Variants in CSNK1G1 observed in about 807,000 individuals in gnomAD.
CSNK1G1 encodes the protein casein kinase 1 gamma 1.
A neutral mutation model predicts 59.6 loss-of-function variants in CSNK1G1; 22 were observed. The ratio of observed to expected loss-of-function variants is 0.37; its 90% CI spans 0.26 to 0.53. CSNK1G1 has a LOEUF of 0.53. Among genes scored for constraint, CSNK1G1 ranks in the 20% least tolerant of loss-of-function variants. The pLI, the probability that CSNK1G1 is intolerant of heterozygous loss-of-function variation, is 0.89. For synonymous variants in CSNK1G1, 179 were observed against 177.1 expected (o/e 1.01, Z -0.08); for missense variants, 384 against 519.5 (o/e 0.74, Z 2.54).
Position 64,339,646 on chromosome 15 carries a change from C to T in CSNK1G1, c.-225+16342G>A, listed in dbSNP as rs1897586945. On this transcript the variant is annotated intron_variant, in intron 1 of 11. Coordinates refer to ENST00000303052, the MANE Select transcript of CSNK1G1 (RefSeq NM_022048.5). ...ACAAACCCTCCAGAAAATTCCAATA[C>T]ATGCTAACATTTTAGAACCACTAGT... 2.6e-5 allele frequency among the ~76,000 whole-genome samples: 4 copies of T among 152,182 alleles called. No homozygotes were observed. The South Asian group carries it at 8.3e-4, about 32-fold the overall frequency.
rs2081663782 is a variant in CSNK1G1, at chr15:64,171,500, C to T, written c.*431G>A. On this transcript the variant is annotated 3_prime_UTR_variant, in exon 12 of 12. Transcript: ENST00000303052. The surrounding 1 kb of genome is among the most constrained non-coding windows in gnomAD (Gnocchi z 4.8). ...CCTCCTACCTTCTTGGCCTTACCCC[C>T]AGCCTCTTGATCTCCTTCTGCAGAC... 6.0e-6 allele frequency: 1 copy of T among 167,624 alleles called. No individual in the cohort carries two copies. Among genetic ancestry groups the T allele is most frequent in the Non-Finnish European group, 1.3e-5 (1 of 76,974 alleles). The allele number at this position is 167,624 out of a possible 1,614,324, so 10.4% of individuals were successfully genotyped here.
In CSNK1G1 at chr15:64,354,676, G is replaced by C. The variant is rs183185148; in HGVS notation, c.-225+1312C>G. Among the ~76,000 whole-genome samples the C allele has an allele frequency of 2.2e-4, 33 of 152,024 alleles. No individual in the cohort carries two copies. The East Asian group carries it at 6.4e-3, about 29-fold the overall frequency. On this transcript the variant is annotated intron_variant, in intron 1 of 11. Transcript: ENST00000303052. ...TCGTTTCACAAAACTGGGCTGCCTT[G>C]ACTGTGTATGATTAATGGTAATAAT...
intron 11 of CSNK1G1, chr15:64,180,062 A>T: frequency 2.9e-6 from 1 of 340,608 alleles, no homozygotes; most frequent in East Asian, 5.3e-5. Context: ...CACAGCCCCA[A>T]GAAGCTCATG....
In CSNK1G1 at chr15:64,281,709, G is replaced by C. The variant is rs764020295; in HGVS notation, c.181+18610C>G. ...ACAAAAATTAGCTGGGCGTGGTGGC[G>C]AGCGCCTGTAATCTCTGCTACTCAG... On this transcript the variant is annotated intron_variant, in intron 2 of 11. Transcript: ENST00000303052. 2.0e-5 allele frequency among the ~76,000 whole-genome samples: 3 copies of C among 151,710 alleles called. No homozygotes were observed. The East Asian group carries it at 5.8e-4, about 29-fold the overall frequency.
intron 10 of CSNK1G1, among the ~76,000 whole-genome samples, chr15:64,180,827 A>G (rs1248632462): frequency 6.6e-6 from 1 of 152,244 alleles, no homozygotes; most frequent in East Asian, 1.9e-4. Flanking sequence ...AATTTGTTCT[A>G]AACACAGATT....
intron 10 of CSNK1G1, 117 bp downstream of exon 10, chr15:64,202,965 A>G (rs984303043): frequency 1.3e-6 from 1 of 774,842 alleles, no homozygotes. Flanking sequence ...AAGAAATGGC[A>G]AGCATTTGAT....
intron 3 of CSNK1G1, among the ~76,000 whole-genome samples, chr15:64,256,551 C>A (rs962633904): frequency 6.6e-6 from 1 of 152,140 alleles, no homozygotes; most frequent in African/African-American, 2.4e-5. Context: ...TCTGGAAGCA[C>A]TATAAGTAGA....
At chr15:64,252,933 C>T (rs1047031342) in intron 3 of CSNK1G1, among the ~76,000 whole-genome samples, 1 of 152,192 alleles carries the variant, frequency 6.6e-6, no homozygotes, top group African/African-American at 2.4e-5. Flanking sequence ...CAGTAGCTGA[C>T]ATGGTGGCTC....
At chr15:64,208,637 G>A (rs757845321) in intron 6 of CSNK1G1, among the ~76,000 whole-genome samples, 27 of 152,272 alleles carry the variant, frequency 1.8e-4, no homozygotes, top group Middle Eastern at 6.8e-3. Flanking sequence ...GAGCCCAAGG[G>A]ACCCTTCTGC....
intron 1 of CSNK1G1, among the ~76,000 whole-genome samples, chr15:64,302,977 T>C (rs1423503698): frequency 6.6e-6 from 1 of 152,184 alleles, no homozygotes; most frequent in African/African-American, 2.4e-5. Context: ...CTTAGACTAG[T>C]ATAACATTAG....
intron 10 of CSNK1G1, among the ~76,000 whole-genome samples, chr15:64,187,531 G>A (rs2081913797): frequency 6.6e-6 from 1 of 152,054 alleles, no homozygotes; most frequent in African/African-American, 2.4e-5. Flanking sequence ...ATCCTATGTG[G>A]TTTTCTATAG....
chr15:64,216,493 C>T lies in CSNK1G1; in HGVS notation c.444+69G>A, dbSNP rs767393183. Reference sequence around the variant, plus strand: ...ATGTGTTGCTACGGCTAGTAAATCACCAAAAGGCCCACAAGGATGTGGCTG... The same window carrying T: ...ATGTGTTGCTACGGCTAGTAAATCATCAAAAGGCCCACAAGGATGTGGCTG... On this transcript the variant is annotated intron_variant, in intron 5 of 11. Coordinates refer to ENST00000303052, the MANE Select transcript of CSNK1G1 (RefSeq NM_022048.5). The surrounding 1 kb of genome is among the most constrained non-coding windows in gnomAD (Gnocchi z 4.6). 1 of 1,490,072 alleles carries T rather than the reference C, an allele frequency of 6.7e-7. No homozygotes were observed. The highest frequency in any genetic ancestry group is 1.4e-5 in the African/African-American group (1 of 71,328). 92.3% of individuals were successfully genotyped at this position (1,490,072 alleles called of 1,614,324 possible). A position where few individuals can be genotyped will look rare whatever the true frequency, so the allele number is the denominator to read the frequency against.
chr15:64,175,637 G>A (rs2081732668), intron 11 of CSNK1G1, among the ~76,000 whole-genome samples: 1 of 152,048 alleles, frequency 6.6e-6, no homozygotes, highest in Non-Finnish European at 1.5e-5. Context: ...GTCAGTCCTT[G>A]GCCTACTAAA....
chr15:64,168,548 T>C lies in CSNK1G1; in HGVS notation c.*3383A>G, dbSNP rs939036704. 7.2e-5 allele frequency: 11 copies of C among 152,188 alleles called. No homozygotes were observed. Among genetic ancestry groups the C allele is most frequent in the African/African-American group, 9.7e-5 (4 of 41,434 alleles). The allele number at this position is 152,188 out of a possible 1,614,324, so 9.4% of individuals were successfully genotyped here. On this transcript the variant is annotated 3_prime_UTR_variant, in exon 12 of 12. Coordinates refer to ENST00000303052, the MANE Select transcript of CSNK1G1 (RefSeq NM_022048.5). The stretch of plus-strand genomic sequence containing the variant: ...TTGGGAAAACTCCTAATGTATACTA[T>C]TAAGGGTTTTTATGAATAGATGCTG...
At chr15:64,246,971 G>A (rs568252715) in intron 4 of CSNK1G1, among the ~76,000 whole-genome samples, 2 of 151,954 alleles carry the variant, frequency 1.3e-5, no homozygotes, top group South Asian at 2.1e-4. Flanking sequence ...GTCAATTAAC[G>A]AACATATACC....
chr15:64,343,866 G>A (rs1269927422), intron 1 of CSNK1G1, among the ~76,000 whole-genome samples: 2 of 151,538 alleles, frequency 1.3e-5, no homozygotes, highest in African/African-American at 4.8e-5. Context: ...CACTGATTGT[G>A]AGTTCAAATT....
At chr15:64,172,068 G>A in intron 11 of CSNK1G1, 83 bp from the exon 12 acceptor site, 1 of 1,330,478 alleles carries the variant, frequency 7.5e-7, no homozygotes, top group Non-Finnish European at 1.1e-6. Context: ...TTACTGCAGG[G>A]GTGGAATTTT....
At chr15:64,226,050 G>A (rs1226742980) in intron 4 of CSNK1G1, among the ~76,000 whole-genome samples, 1 of 152,204 alleles carries the variant, frequency 6.6e-6, no homozygotes, top group Non-Finnish European at 1.5e-5. Context: ...CTATGCCTTC[G>A]TCTTCCATTG....
At chr15:64,189,135 A>G (rs1337872581) in intron 10 of CSNK1G1, among the ~76,000 whole-genome samples, 2 of 152,124 alleles carry the variant, frequency 1.3e-5, no homozygotes, top group African/African-American at 2.4e-5. Flanking sequence ...CGAAAAAATA[A>G]TAATAATAAT....
Sources: gnomAD v4.1 joint callset for allele counts (sites outside exome capture counted in the v4.1 genomes callset) on GRCh38, gnomAD v4.1.1 for gene constraint, Gnocchi (gnomAD v3.1) non-coding constraint, MANE v1.5 for transcripts, NCBI Gene and HGNC (gene_info 2026-07-23, HGNC 2026-07-21) for gene names.